PPP2R2B: variants seen among roughly 807,000 people sequenced by gnomAD.
PPP2R2B encodes serine/threonine-protein phosphatase 2A 55 kDa regulatory subunit B beta isoform.
Under a neutral mutation model 46.0 loss-of-function variants are expected in PPP2R2B, and 5 were observed. That is an observed-to-expected ratio of 0.11 (90% CI 0.06 to 0.23). The LOEUF (loss-of-function observed/expected upper bound fraction) is 0.23, where lower values mean the gene tolerates loss of function less well. PPP2R2B is among the 10% of genes least tolerant of loss of function. The pLI, the probability that PPP2R2B is intolerant of heterozygous loss-of-function variation, is 1.00. For missense variants in PPP2R2B, 367 were observed against 575.0 expected, an observed-to-expected ratio of 0.64 and a Z score of 3.70; for synonymous variants, 215 against 206.7, an observed-to-expected ratio of 1.04 and a Z score of -0.34.
chr5:146,853,314 T>A (rs1213856650), intron 2 of PPP2R2B, among the ~76,000 whole-genome samples: 1 of 152,172 alleles, frequency 6.6e-6, no homozygotes, highest in Non-Finnish European at 1.5e-5. Context: ...TTAAAATGCA[T>A]AATGATAGTA....
chr5:146,758,167 T>C (rs1352844173), intron 2 of PPP2R2B, among the ~76,000 whole-genome samples: 2 of 152,102 alleles, frequency 1.3e-5, no homozygotes, highest in East Asian at 3.9e-4. Context: ...TTCTCTGGAG[T>C]TACTCATACA....
At chr5:146,963,822 C>T (rs1479588293) in intron 1 of PPP2R2B, among the ~76,000 whole-genome samples, 2 of 152,182 alleles carry the variant, frequency 1.3e-5, no homozygotes, top group Non-Finnish European at 2.9e-5. Context: ...CATTAACTCC[C>T]TAACTCATTG....
intron 2 of PPP2R2B, among the ~76,000 whole-genome samples, chr5:146,854,325 A>T (rs576010898): frequency 6.6e-6 from 1 of 152,202 alleles, no homozygotes; most frequent in African/African-American, 2.4e-5. Flanking sequence ...TTTATGGGGT[A>T]CATGTGATAT....
Position 146,600,233 on chromosome 5 carries a change from A to C in PPP2R2B, c.960+58T>G. On this transcript the variant is annotated intron_variant, in intron 8 of 9. Coordinates refer to ENST00000394411, the MANE Select transcript of PPP2R2B (RefSeq NM_181675.4). ...TGTAAACCTTTGGAAGCAGGGGCTG[A>C]CTTAAAAGCTCATGAAGGGAATGTT... 2.6e-6 allele frequency: 4 copies of C among 1,559,922 alleles called. No individual in the cohort carries two copies. The South Asian group carries it at 4.8e-5, about 19-fold the overall frequency.
chr5:146,693,897 T>C (rs1779025402), intron 4 of PPP2R2B, among the ~76,000 whole-genome samples: 1 of 152,240 alleles, frequency 6.6e-6, no homozygotes, highest in Admixed American at 6.5e-5. Flanking sequence ...GCACATCCTA[T>C]TTCTTATCTG....
At chr5:146,605,770 G>A (rs1174415805) in intron 7 of PPP2R2B, among the ~76,000 whole-genome samples, 2 of 152,144 alleles carry the variant, frequency 1.3e-5, no homozygotes, top group African/African-American at 2.4e-5. Flanking sequence ...ATTTTTATTT[G>A]GCAAATCATT....
chr5:146,952,602 T>C (rs771806819), intron 1 of PPP2R2B, among the ~76,000 whole-genome samples: 2 of 152,166 alleles, frequency 1.3e-5, no homozygotes, highest in Non-Finnish European at 2.9e-5. Context: ...TTCAATGTGC[T>C]GAACTACCTA....
At chr5:147,058,863 G>A (rs1416108860), upstream of PPP2R2B, among the ~76,000 whole-genome samples, 2 of 152,160 alleles carry the variant, frequency 1.3e-5, no homozygotes, top group African/African-American at 4.8e-5. Flanking sequence ...ATCCACAGGA[G>A]ATCTCATATT....
chr5:146,783,939 T>C (rs1755687187), intron 2 of PPP2R2B, among the ~76,000 whole-genome samples: 1 of 152,200 alleles, frequency 6.6e-6, no homozygotes, highest in African/African-American at 2.4e-5. Context: ...AGAGTATGTA[T>C]ATATCTTTGT....
At chr5:146,942,399 G>T (rs370641103) in intron 1 of PPP2R2B, among the ~76,000 whole-genome samples, 2 of 152,168 alleles carry the variant, frequency 1.3e-5, no homozygotes, top group Non-Finnish European at 2.9e-5. Context: ...TATACCGTCA[G>T]AAATAAGTCA....
chr5:146,688,979 G>A (rs1250006593), intron 5 of PPP2R2B, among the ~76,000 whole-genome samples: 5 of 152,030 alleles, frequency 3.3e-5, no homozygotes, highest in East Asian at 1.9e-4. Flanking sequence ...TTGCCAGTAC[G>A]GTGTTTGCCA....
At chr5:146,872,143 A>C (rs1395292933) in intron 2 of PPP2R2B, among the ~76,000 whole-genome samples, 1 of 152,194 alleles carries the variant, frequency 6.6e-6, no homozygotes, top group Non-Finnish European at 1.5e-5. Context: ...TATTCACCCC[A>C]GGATCATTGG....
chr5:146,666,876 G>A (rs1441417674), intron 5 of PPP2R2B, among the ~76,000 whole-genome samples: 1 of 152,118 alleles, frequency 6.6e-6, no homozygotes, highest in Non-Finnish European at 1.5e-5. Flanking sequence ...AAATTCCCAG[G>A]TCTTTTTTCA....
At chr5:146,821,644 T>C (rs2151333800) in intron 2 of PPP2R2B, among the ~76,000 whole-genome samples, 1 of 152,118 alleles carries the variant, frequency 6.6e-6, no homozygotes. Context: ...CCCCCTTTTT[T>C]CTCACTTCAA....
chr5:147,040,429 T>C (rs561353765), intron 1 of PPP2R2B, among the ~76,000 whole-genome samples: 1 of 151,816 alleles, frequency 6.6e-6, no homozygotes. Context: ...ATAAAGTGAA[T>C]TTGGAGGAGG....
intron 1 of PPP2R2B, among the ~76,000 whole-genome samples, chr5:146,959,406 T>C (rs1752069568): frequency 6.6e-6 from 1 of 152,158 alleles, no homozygotes; most frequent in African/African-American, 2.4e-5. Context: ...GTGATTGTAG[T>C]ATAGGTATCA....
chr5:146,945,792 C>A (rs943037546), intron 1 of PPP2R2B, among the ~76,000 whole-genome samples: 1 of 152,086 alleles, frequency 6.6e-6, no homozygotes, highest in African/African-American at 2.4e-5. Context: ...TAAGGCAATT[C>A]GATTTGAGAA....
chr5:147,063,664 G>A (rs4235746), intron 2 of PPP2R2B, among the ~76,000 whole-genome samples: 105,455 of 152,066 alleles, frequency 0.69, 36,921 homozygotes, highest in Middle Eastern at 0.77. Flanking sequence ...ATATTATGAA[G>A]AGGAACCAAT....
At chr5:146,935,648 G>A (rs1006372017) in intron 1 of PPP2R2B, among the ~76,000 whole-genome samples, 1 of 152,092 alleles carries the variant, frequency 6.6e-6, no homozygotes, top group African/African-American at 2.4e-5. Flanking sequence ...GAAAGTGTGA[G>A]CCAGGTAAAG....
Sources: allele counts gnomAD v4.1 joint callset (sites outside exome capture counted in the v4.1 genomes callset), GRCh38; gene constraint gnomAD v4.1.1; transcripts MANE v1.5; gene names NCBI Gene and HGNC (gene_info 2026-07-23, HGNC 2026-07-21).